The following KLHL18 variants were observed in gnomAD, a reference collection of about 807,000 sequenced individuals.
KLHL18 encodes kelch like family member 18, also known as kelch-like protein 18.
In KLHL18, 38 loss-of-function variants were observed where a neutral mutation model predicts 58.5. That is an observed-to-expected ratio of 0.65 (90% CI 0.50 to 0.85). The LOEUF is 0.85. Among genes scored for constraint, KLHL18 ranks in the 40% least tolerant of loss-of-function variants. KLHL18 has a pLI of 0.00. For synonymous variants in KLHL18, 303 were observed against 301.9 expected, an observed-to-expected ratio of 1.00 and a Z score of -0.04; for missense variants, 624 against 778.4, an observed-to-expected ratio of 0.80 and a Z score of 2.36.
At chr3:47,313,239 A>T (rs1393632706) in intron 1 of KLHL18, among the ~76,000 whole-genome samples, 1 of 143,056 alleles carries the variant, frequency 7.0e-6, no homozygotes, top group Non-Finnish European at 1.5e-5. Context: ...TTTAATAGAG[A>T]AAGGGTCTCA....
chr3:47,293,945 T>G (rs1465072818), intron 1 of KLHL18, among the ~76,000 whole-genome samples: 2 of 152,188 alleles, frequency 1.3e-5, no homozygotes, highest in African/African-American at 4.8e-5. Flanking sequence ...CATAACTATT[T>G]ATAGTGTTGT....
intron 1 of KLHL18, chr3:47,283,557 G>A (rs1702545345): frequency 6.3e-6 from 1 of 158,140 alleles, no homozygotes; most frequent in Non-Finnish European, 1.4e-5. Flanking sequence ...GCCCTTAATT[G>A]TTGAATTACT....
At chr3:47,333,997 C>T (rs1703927123) in intron 5 of KLHL18, among the ~76,000 whole-genome samples, 1 of 152,142 alleles carries the variant, frequency 6.6e-6, no homozygotes, top group Admixed American at 6.5e-5. Context: ...AAAAACTTTA[C>T]ACACATTCAG....
chr3:47,327,327 A>C (rs917654079), intron 3 of KLHL18, among the ~76,000 whole-genome samples: 2 of 152,234 alleles, frequency 1.3e-5, no homozygotes, highest in East Asian at 1.9e-4. Flanking sequence ...AGGTACGAGA[A>C]TCCTAACCTG....
At chr3:47,324,788 A>C (rs1703676832) in intron 3 of KLHL18, among the ~76,000 whole-genome samples, 1 of 152,138 alleles carries the variant, frequency 6.6e-6, no homozygotes, top group Non-Finnish European at 1.5e-5. Context: ...AGTGAGTTAC[A>C]ATCACCTTAC....
At chr3:47,308,389 T>TTTTTC (rs755602647) in intron 1 of KLHL18, among the ~76,000 whole-genome samples, 3 of 152,080 alleles carry the variant, frequency 2.0e-5, no homozygotes, top group South Asian at 2.1e-4. Context: ...CAATATGTAG[T>TTTTTC]TTTTCTTTTC....
intron 3 of KLHL18, among the ~76,000 whole-genome samples, chr3:47,326,836 G>T (rs377733161): frequency 6.6e-6 from 1 of 151,426 alleles, no homozygotes; most frequent in Non-Finnish European, 1.5e-5. Flanking sequence ...CAGGAGAATC[G>T]CTTGAACCTG....
intron 3 of KLHL18, among the ~76,000 whole-genome samples, chr3:47,325,697 G>A (rs1703701805): frequency 6.6e-6 from 1 of 152,026 alleles, no homozygotes; most frequent in South Asian, 2.1e-4. Flanking sequence ...GACTTTTTCT[G>A]GTGGCCCTAT....
In KLHL18 at chr3:47,334,107, G is replaced by A. The variant is rs938865018; in HGVS notation, c.762-576G>A. Among the ~76,000 whole-genome samples the A allele has an allele frequency of 7.9e-5, 12 of 152,180 alleles. No homozygotes were observed. The highest frequency in any genetic ancestry group is 1.6e-4 in the Non-Finnish European group (11 of 68,038). Reference sequence around the variant, plus strand: ...GTGTGAAGGTGTGTGTCAGGATGGGGTGGAGTAGTGTCTGGAGGTAGCTAG... The same window carrying A: ...GTGTGAAGGTGTGTGTCAGGATGGGATGGAGTAGTGTCTGGAGGTAGCTAG... On this transcript the variant is annotated intron_variant, in intron 5 of 9. Coordinates refer to ENST00000232766, the MANE Select transcript of KLHL18 (RefSeq NM_025010.5). The surrounding 1 kb of genome is among the most constrained non-coding windows in gnomAD (Gnocchi z 4.7).
At chr3:47,319,145 C>G (rs1703524706) in intron 1 of KLHL18, among the ~76,000 whole-genome samples, 1 of 152,228 alleles carries the variant, frequency 6.6e-6, no homozygotes, top group African/African-American at 2.4e-5. Context: ...TACAGAGCAG[C>G]AGCCAGTCCA....
At chr3:47,315,409 A>G in intron 1 of KLHL18, among the ~76,000 whole-genome samples, 1 of 152,198 alleles carries the variant, frequency 6.6e-6, no homozygotes, top group East Asian at 1.9e-4. Flanking sequence ...CAAGCATAGG[A>G]GAAAGGGTGC....
At chr3:47,320,160 C>T (rs534791057) in intron 2 of KLHL18, among the ~76,000 whole-genome samples, 3 of 152,096 alleles carry the variant, frequency 2.0e-5, no homozygotes, top group African/African-American at 7.2e-5. Context: ...CATTTACATC[C>T]CTTCTTATCA....
At chr3:47,283,333 C>T (rs1283592796) in intron 1 of KLHL18, 5 of 542,508 alleles carry the variant, frequency 9.2e-6, no homozygotes, top group Middle Eastern at 4.8e-4. Context: ...CCGCTTAGGC[C>T]CTTGGAGTGG....
chr3:47,315,009 A>T (rs1703387967), intron 1 of KLHL18, among the ~76,000 whole-genome samples: 1 of 152,344 alleles, frequency 6.6e-6, no homozygotes, highest in Admixed American at 6.5e-5. Context: ...TAGATGAAAA[A>T]TAAATGCACA....
At chr3:47,290,426 T>A (rs747469049) in intron 1 of KLHL18, among the ~76,000 whole-genome samples, 5 of 152,194 alleles carry the variant, frequency 3.3e-5, no homozygotes, top group Non-Finnish European at 7.3e-5. Context: ...TTTCATGTAG[T>A]TAGGTTTATC....
chr3:47,324,532 G>A (rs1173707182), intron 3 of KLHL18, among the ~76,000 whole-genome samples: 1 of 151,696 alleles, frequency 6.6e-6, no homozygotes, highest in Non-Finnish European at 1.5e-5. Context: ...TCTAAAAGTT[G>A]CTTAGAAAAG....
chr3:47,313,874 T>C (rs149210391), intron 1 of KLHL18, among the ~76,000 whole-genome samples: 141 of 152,296 alleles, frequency 9.3e-4, no homozygotes, highest in African/African-American at 3.0e-3. Flanking sequence ...CTTCCAAATC[T>C]TGGTTTTCTC....
intron 1 of KLHL18, among the ~76,000 whole-genome samples, chr3:47,304,542 A>G (rs1703097447): frequency 6.6e-6 from 1 of 152,162 alleles, no homozygotes; most frequent in African/African-American, 2.4e-5. Flanking sequence ...TAAGTATTTA[A>G]TTTTTTTAGT....
At chr3:47,331,356 C>T (rs1024673228) in intron 4 of KLHL18, among the ~76,000 whole-genome samples, 2 of 149,490 alleles carry the variant, frequency 1.3e-5, no homozygotes, top group African/African-American at 4.9e-5. Flanking sequence ...TGAACTCTGG[C>T]CTCACATGAT....
Sources: allele counts gnomAD v4.1 joint callset (sites outside exome capture counted in the v4.1 genomes callset), GRCh38; gene constraint gnomAD v4.1.1; non-coding constraint Gnocchi (gnomAD v3.1); transcripts MANE v1.5; gene names NCBI Gene and HGNC (gene_info 2026-07-23, HGNC 2026-07-21).